Variants in TULP2 observed in about 807,000 individuals in gnomAD.
TULP2 encodes TUB like protein 2.
Under a neutral mutation model 60.3 loss-of-function variants are expected in TULP2, and 64 were observed. The observed-to-expected ratio is 1.06, with a 90% CI of 0.87 to 1.31. TULP2 has a LOEUF of 1.31. Ranked by LOEUF, TULP2 falls within the 50% of genes most tolerant of loss-of-function variation. TULP2 has a pLI of 0.00. For missense variants in TULP2, 652 were observed against 667.0 expected, an observed-to-expected ratio of 0.98 and a Z score of 0.25; for synonymous variants, 267 against 265.4, an observed-to-expected ratio of 1.01 and a Z score of -0.06.
At chr19:48,881,999 C>A in intron 12 of TULP2, 33 bp downstream of exon 12, 1 of 1,614,190 alleles carries the variant, frequency 6.2e-7, no homozygotes, top group Non-Finnish European at 8.5e-7. Context: ...CCCACCCCAC[C>A]TGGCCCGGCT....
At chr19:48,881,363 C>T (rs577214795) in intron 12 of TULP2, among the ~76,000 whole-genome samples, 13 of 149,898 alleles carry the variant, frequency 8.7e-5, no homozygotes, top group African/African-American at 3.0e-4. Context: ...GCATGTGCCA[C>T]CACGTCCGGC....
intron 6 of TULP2, among the ~76,000 whole-genome samples, chr19:48,891,187 G>A (rs2122133188): frequency 6.6e-6 from 1 of 151,698 alleles, no homozygotes; most frequent in South Asian, 2.1e-4. Context: ...AGCCGGGTGT[G>A]GTGGCCGGCG....
Position 48,884,047 on chromosome 19 carries a change from C to T in TULP2, c.1062-1G>A. ...GAACTTGGTGCTGAAGACATTGGAT[C>T]TGCTCCAGGAAGGGAATGGATAGAA... On this transcript the variant is annotated splice_acceptor_variant, in intron 9 of 12. Coordinates refer to ENST00000221399, the MANE Select transcript of TULP2 (RefSeq NM_003323.3). LOFTEE classifies it high-confidence loss of function. 1 of 1,613,152 alleles carries T rather than the reference C, an allele frequency of 6.2e-7. No homozygotes were observed. The highest frequency in any genetic ancestry group is 8.5e-7 in the Non-Finnish European group (1 of 1,179,200).
At chr19:48,881,781 G>C (rs910766676) in intron 12 of TULP2, among the ~76,000 whole-genome samples, 1 of 152,128 alleles carries the variant, frequency 6.6e-6, no homozygotes, top group Non-Finnish European at 1.5e-5. Flanking sequence ...GTCTCCCAAA[G>C]TGCTAGGATT....
chr19:48,884,112 A>AG (rs1383061390), intron 9 of TULP2, 66 bp from the exon 10 acceptor site: 68 of 1,296,360 alleles, frequency 5.2e-5, no homozygotes, highest in Non-Finnish European at 7.4e-5. Context: ...AGTGTCACTC[A>AG]TCGCATCGAC....
At chr19:48,893,557 CT>C (rs893470713) in intron 6 of TULP2, among the ~76,000 whole-genome samples, 4 of 149,380 alleles carry the variant, frequency 2.7e-5, no homozygotes, top group East Asian at 2.0e-4. Context: ...TTCTTTCTTT[CT>C]TTTTTTTTTC....
At chr19:48,883,897 A>G (rs752201690) in intron 10 of TULP2, 35 bp downstream of exon 10, 30 of 1,613,654 alleles carry the variant, frequency 1.9e-5, no homozygotes, top group African/African-American at 5.3e-5. Flanking sequence ...TCTTCTGACT[A>G]TCCTACCCCA....
chr19:48,890,714 C>T (rs879484573), intron 6 of TULP2, among the ~76,000 whole-genome samples: 7 of 152,134 alleles, frequency 4.6e-5, no homozygotes, highest in Non-Finnish European at 1.0e-4. Context: ...TCAGTCCCTA[C>T]TCATGACTCA....
chr19:48,896,630 C>T, intron 3 of TULP2, 74 bp from the exon 4 acceptor site: 1 of 1,476,818 alleles, frequency 6.8e-7, no homozygotes, highest in South Asian at 1.4e-5. Flanking sequence ...GGGCCTGGGG[C>T]AAGGGCTCGC....
rs570492561 is a variant in TULP2 at position 48,892,707 on chromosome 19, G to A, written c.514+2291C>T. 8.6e-5 allele frequency among the ~76,000 whole-genome samples: 13 copies of A among 151,980 alleles called. No homozygotes were observed. The East Asian group carries it at 2.3e-3, about 27-fold the overall frequency. On this transcript the variant is annotated intron_variant, in intron 6 of 12. Transcript: ENST00000221399. ...TTCAGTAAACGTGGGGTTTCACTGTGGTCTCGATCTCCTGACCTCGTGATC... is the reference window on the plus strand; with the variant it reads ...TTCAGTAAACGTGGGGTTTCACTGTAGTCTCGATCTCCTGACCTCGTGATC...
chr19:48,889,235 CA>C (rs1243013783), intron 7 of TULP2, among the ~76,000 whole-genome samples: 4 of 152,096 alleles, frequency 2.6e-5, no homozygotes, highest in African/African-American at 9.7e-5. Flanking sequence ...CTCAGCCTCC[CA>C]AAGTGCTGGG....
Position 48,895,388 on chromosome 19 carries a change from GA to G in TULP2, c.326del (p.Leu109ProfsTer134). Reference protein sequence around the residue: ...CGGDGRGERGLPTPRTEAVFR... With the variant: ...CGGDGRGERGXPTPRTEAVFR... Reference sequence around the variant, plus strand: ...TACCTGCTTCTGTCCGCGGTGTCGGGAGGCCGCGCTCGCCCCTGCCGTCTCC... The same window carrying G: ...TACCTGCTTCTGTCCGCGGTGTCGGGGGCCGCGCTCGCCCCTGCCGTCTCC... On this transcript the variant is annotated frameshift_variant, in exon 5 of 13. Coordinates refer to ENST00000221399, the MANE Select transcript of TULP2 (RefSeq NM_003323.3). LOFTEE classifies it high-confidence loss of function. 1 of 1,613,922 alleles carries G rather than the reference GA, an allele frequency of 6.2e-7. No homozygotes were observed.
chr19:48,895,367 T>C lies in TULP2; in HGVS notation c.348A>G (p.Ala116=), dbSNP rs770472302. The C allele has an allele frequency of 1.2e-5, 20 of 1,613,456 alleles. No individual in the cohort carries two copies. The highest frequency in any genetic ancestry group is 1.6e-5 in the Non-Finnish European group (19 of 1,179,708). ...ERGLPTPRTE[A]VFRNLGLQSP... The stretch of plus-strand genomic sequence containing the variant: ...GGAGGTCGGTGGACTCGCAAATACC[T>C]GCTTCTGTCCGCGGTGTCGGGAGGC... Residue 116 remains alanine (A), a splice_region_variant and synonymous_variant, in exon 5 of 13, where the codon GCA becomes GCG. Coordinates refer to ENST00000221399, the MANE Select transcript of TULP2 (RefSeq NM_003323.3).
intron 6 of TULP2, among the ~76,000 whole-genome samples, chr19:48,892,781 G>A (rs1039566859): frequency 3.3e-5 from 5 of 151,636 alleles, no homozygotes; most frequent in African/African-American, 9.7e-5. Context: ...GTGAGCCACC[G>A]CGCCCAGCCA....
intron 6 of TULP2, among the ~76,000 whole-genome samples, chr19:48,891,494 G>T (rs1351136048): frequency 6.6e-6 from 1 of 152,108 alleles, no homozygotes; most frequent in Non-Finnish European, 1.5e-5. Flanking sequence ...GCAGGGCGTG[G>T]CAGCGTGCAC....
Position 48,895,028 on chromosome 19 carries a change from G to T in TULP2, c.484C>A (p.Arg162Ser). 2 of 1,613,738 alleles carry T rather than the reference G, an allele frequency of 1.2e-6. No individual in the cohort carries two copies. The highest frequency in any genetic ancestry group is 1.3e-5 in the African/African-American group (1 of 75,006). Reference sequence around the variant, plus strand: ...CGTTGGTGGGCTTGCCAACCCTTGCGTCGGATTCTCGGAGACTGTTTAAAA... The same window carrying T: ...CGTTGGTGGGCTTGCCAACCCTTGCTTCGGATTCTCGGAGACTGTTTAAAA... ...PPFKQSPRIR[R>S]KGWQAHQRPG... The change falls in exon 6 of 13, where the codon CGC becomes AGC. Residue 162 changes from arginine to serine, a missense_variant. Coordinates refer to ENST00000221399, the MANE Select transcript of TULP2 (RefSeq NM_003323.3).
At chr19:48,895,548 C>T (rs1478683981) in intron 4 of TULP2, 45 bp from the exon 5 acceptor site, 9 of 1,570,042 alleles carry the variant, frequency 5.7e-6, no homozygotes, top group South Asian at 2.3e-5. Flanking sequence ...CTACAAATTC[C>T]GGTCCTCAAC....
At chr19:48,884,408 CACTCCA>C (rs1382274703) in intron 9 of TULP2, among the ~76,000 whole-genome samples, 1 of 151,992 alleles carries the variant, frequency 6.6e-6, no homozygotes, top group Non-Finnish European at 1.5e-5. Flanking sequence ...CTTGCCACTG[CACTCCA>C]GCCTGGGTGA....
At chr19:48,892,064 C>T (rs1268997693) in intron 6 of TULP2, among the ~76,000 whole-genome samples, 3 of 152,240 alleles carry the variant, frequency 2.0e-5, no homozygotes, top group Non-Finnish European at 2.9e-5. Context: ...CGGTTTTACA[C>T]TGAGTCATTC....
Sources: allele counts gnomAD v4.1 joint callset (sites outside exome capture counted in the v4.1 genomes callset), GRCh38; gene constraint gnomAD v4.1.1; transcripts MANE v1.5; gene names NCBI Gene and HGNC (gene_info 2026-07-23, HGNC 2026-07-21).